The following NCOA1 variants were observed in gnomAD, a reference collection of about 807,000 sequenced individuals.
NCOA1 encodes Hin-2 protein.
A neutral mutation model predicts 150.9 loss-of-function variants in NCOA1; 35 were observed. That is an observed-to-expected ratio of 0.23 (90% CI 0.18 to 0.31). The LOEUF is 0.31. NCOA1 is among the 10% of genes least tolerant of loss of function. The probability of loss-of-function intolerance (pLI) is 1.00; values close to 1 mark genes in which losing one functional copy is unlikely to be tolerated. For synonymous variants in NCOA1, 590 were observed against 630.0 expected, an observed-to-expected ratio of 0.94 and a Z score of 0.95; for missense variants, 1,491 against 1,749.3, an observed-to-expected ratio of 0.85 and a Z score of 2.63.
At chr2:24,552,110 A>G (rs1665852078) in intron 1 of NCOA1, among the ~76,000 whole-genome samples, 1 of 151,670 alleles carries the variant, frequency 6.6e-6, no homozygotes, top group Non-Finnish European at 1.5e-5. Flanking sequence ...TTCTTTTTGA[A>G]AAGTGTTTTG....
At chr2:24,689,551 C>T (rs1337322998) in intron 8 of NCOA1, among the ~76,000 whole-genome samples, 1 of 152,108 alleles carries the variant, frequency 6.6e-6, no homozygotes, top group South Asian at 2.1e-4. Context: ...CGCCACCACA[C>T]CTGGCTAATT....
At chr2:24,580,568 T>C (rs1392401352) in intron 2 of NCOA1, among the ~76,000 whole-genome samples, 1 of 152,220 alleles carries the variant, frequency 6.6e-6, no homozygotes, top group African/African-American at 2.4e-5. Flanking sequence ...ATTACATCTT[T>C]TGTTTTACCT....
At chr2:24,512,872 G>A (rs1432290446) in intron 1 of NCOA1, among the ~76,000 whole-genome samples, 3 of 152,136 alleles carry the variant, frequency 2.0e-5, no homozygotes, top group Admixed American at 6.5e-5. Flanking sequence ...CCAAAACACC[G>A]TTTCTTTGAT....
Position 24,579,296 on chromosome 2 carries a change from A to T in NCOA1, c.-259-5180A>T, listed in dbSNP as rs569257682. ...TTTATCTGAGGAAAGACCTGACAGT[A>T]GGAATTGACTGGAGAATAAGGCAGG... On this transcript the variant is annotated intron_variant, in intron 2 of 22. Coordinates refer to ENST00000348332, the MANE Select transcript of NCOA1 (RefSeq NM_003743.5). Among the ~76,000 whole-genome samples the T allele has an allele frequency of 7.2e-5, 11 of 152,282 alleles. No homozygotes were observed. The South Asian group carries it at 2.3e-3, about 32-fold the overall frequency.
intron 1 of NCOA1, among the ~76,000 whole-genome samples, chr2:24,527,594 T>C (rs777066041): frequency 2.0e-5 from 3 of 152,238 alleles, no homozygotes; most frequent in Non-Finnish European, 2.9e-5. Flanking sequence ...TTTCTGTATC[T>C]TACCTATTGT....
chr2:24,523,924 CAAAAAAAAAAAA>C lies in NCOA1; in HGVS notation c.-396+32340_-396+32351del, dbSNP rs70947825. On this transcript the variant is annotated intron_variant, in intron 1 of 22. Coordinates refer to ENST00000348332, the MANE Select transcript of NCOA1 (RefSeq NM_003743.5). The stretch of plus-strand genomic sequence containing the variant: ...CTGGCAACAGAGTGGGACTCTGTCT[CAAAAAAAAAAAA>C]AAAAAAAAAAAAAAAAAGAAACTGG... 4.0e-4 allele frequency among the ~76,000 whole-genome samples: 20 copies of C among 49,538 alleles called. 1 individual carries two copies. The highest frequency in any genetic ancestry group is 1.7e-3 in the Admixed American group (5 of 2,972). 32.5% of individuals were successfully genotyped at this position (49,538 alleles called of 152,430 possible).
rs539097181 is a variant in NCOA1 at position 24,768,766 on chromosome 2, C to T, written c.*375C>T. 3.0e-4 allele frequency: 68 copies of T among 227,366 alleles called. No homozygotes were observed. The highest frequency in any genetic ancestry group is 1.4e-3 in the African/African-American group (62 of 44,966). The allele number at this position is 227,366 out of a possible 1,614,324, so 14.1% of individuals were successfully genotyped here. On this transcript the variant is annotated 3_prime_UTR_variant, in exon 23 of 23. Coordinates refer to ENST00000348332, the MANE Select transcript of NCOA1 (RefSeq NM_003743.5). ...CAAGAAGAAGATGAAGCTCCGCCTCCGCCGCTTAGTCCCAACCCTGCCCAG... is the reference window on the plus strand; with the variant it reads ...CAAGAAGAAGATGAAGCTCCGCCTCTGCCGCTTAGTCCCAACCCTGCCCAG...
At chr2:24,660,025 C>G (rs1671109896) in intron 5 of NCOA1, among the ~76,000 whole-genome samples, 1 of 152,072 alleles carries the variant, frequency 6.6e-6, no homozygotes, top group Admixed American at 6.6e-5. Context: ...TGCCAGGGCT[C>G]CAGGCTCGAG....
chr2:24,566,138 A>C (rs571645701), intron 2 of NCOA1, among the ~76,000 whole-genome samples: 3 of 152,332 alleles, frequency 2.0e-5, no homozygotes, highest in African/African-American at 7.2e-5. Context: ...AATAAGGTAC[A>C]CGGGTAAATG....
intron 1 of NCOA1, among the ~76,000 whole-genome samples, chr2:24,495,090 GTGTTTTTTTTT>G (rs992251907): frequency 1.4e-4 from 20 of 140,414 alleles, no homozygotes; most frequent in African/African-American, 5.0e-4. Context: ...GGAGATGAAG[GTGTTTTTTTTT>G]TGTTTTTTTT....
At position 24,652,458 on chromosome 2, in the gene NCOA1, T is replaced by C. The variant is rs529403803; in HGVS notation, c.-17-6203T>C. ...CTCAGAGTATCCTTCTCACTATATA[T>C]AAATGCTTCTTCGTGCTAACTGCCT... On this transcript the variant is annotated intron_variant, in intron 4 of 22. Coordinates refer to ENST00000348332, the MANE Select transcript of NCOA1 (RefSeq NM_003743.5). Among the ~76,000 whole-genome samples, 104 of 152,262 alleles carry C rather than the reference T, an allele frequency of 6.8e-4. 1 individual carries two copies. The highest frequency in any genetic ancestry group is 2.4e-3 in the African/African-American group (100 of 41,576).
intron 8 of NCOA1, among the ~76,000 whole-genome samples, chr2:24,687,727 G>T (rs1214092397): frequency 6.6e-6 from 1 of 152,072 alleles, no homozygotes; most frequent in Non-Finnish European, 1.5e-5. Flanking sequence ...GGGGGGAGCT[G>T]CCCCCATGAT....
At chr2:24,716,665 A>G (rs1572634148) in intron 14 of NCOA1, among the ~76,000 whole-genome samples, 2 of 152,234 alleles carry the variant, frequency 1.3e-5, no homozygotes, top group Non-Finnish European at 2.9e-5. Flanking sequence ...AGTGCTAATC[A>G]TGAAAGAAAA....
intron 17 of NCOA1, 129 bp from the exon 18 acceptor site, chr2:24,739,303 A>T: frequency 1.5e-6 from 1 of 648,604 alleles, no homozygotes; most frequent in South Asian, 2.0e-5. Context: ...AAATAAACAT[A>T]GGAAATAATC....
intron 3 of NCOA1, among the ~76,000 whole-genome samples, chr2:24,600,575 C>G (rs1323570474): frequency 6.6e-6 from 1 of 152,114 alleles, no homozygotes; most frequent in African/African-American, 2.4e-5. Context: ...CTGTGTATGC[C>G]TTTGCTTTCA....
intron 1 of NCOA1, among the ~76,000 whole-genome samples, chr2:24,530,881 G>A (rs1305113625): frequency 6.6e-6 from 1 of 152,170 alleles, no homozygotes; most frequent in African/African-American, 2.4e-5. Context: ...AAAGTCTTAT[G>A]GAGATTTCTT....
At chr2:24,558,199 A>G (rs1052092262) in intron 1 of NCOA1, among the ~76,000 whole-genome samples, 1 of 151,900 alleles carries the variant, frequency 6.6e-6, no homozygotes, top group African/African-American at 2.4e-5. Context: ...ATTGACCTGT[A>G]TGCAAGTTCA....
intron 1 of NCOA1, among the ~76,000 whole-genome samples, chr2:24,513,081 C>T (rs552477212): frequency 5.5e-4 from 83 of 152,240 alleles, no homozygotes; most frequent in African/African-American, 1.7e-3. Flanking sequence ...TGTTAGCATC[C>T]GTCCAGTTCA....
In NCOA1 at chr2:24,683,035, A is replaced by T; in HGVS notation, c.439A>T (p.Asn147Tyr). 6.2e-7 allele frequency: 1 copy of T among 1,610,350 alleles called. No individual in the cohort carries two copies. Among genetic ancestry groups the T allele is most frequent in the Non-Finnish European group, 8.5e-7 (1 of 1,178,608 alleles). ...GAATGTAACCAGCTACTTAGGTTAC[A>T]ATCAGGAGGAATTAATGAATACGAG... ...SENVTSYLGYNQEELMNTSVY... is the reference protein window; with the variant it reads ...SENVTSYLGYYQEELMNTSVY... The change falls in exon 8 of 23, where the codon AAT becomes TAT. Residue 147 changes from asparagine (N) to tyrosine (Y), a missense_variant. Asn to Tyr is a moderately radical substitution (Grantham distance 143, BLOSUM62 -2). Coordinates refer to ENST00000348332, the MANE Select transcript of NCOA1 (RefSeq NM_003743.5).
Sources: allele counts gnomAD v4.1 joint callset (sites outside exome capture counted in the v4.1 genomes callset), GRCh38; gene constraint gnomAD v4.1.1; transcripts MANE v1.5; gene names NCBI Gene and HGNC (gene_info 2026-07-23, HGNC 2026-07-21).